The following ZNF287 variants were observed in gnomAD, a reference collection of about 807,000 sequenced individuals.
The protein encoded by ZNF287 is zinc finger protein with KRAB and SCAN domains 13.
In ZNF287, 31 loss-of-function variants were observed where a neutral mutation model predicts 73.7. That is an observed-to-expected ratio of 0.42 (90% CI 0.32 to 0.57). The LOEUF is 0.57. Ranked by LOEUF, ZNF287 falls within the 20% of genes least tolerant of loss-of-function variation. The probability of loss-of-function intolerance (pLI) is 0.13; values close to 1 mark genes in which losing one functional copy is unlikely to be tolerated. For missense variants in ZNF287, 641 were observed against 909.3 expected (o/e 0.70, Z 3.79); for synonymous variants, 301 against 307.2 (o/e 0.98, Z 0.21).
chr17:16,563,127 T>C lies in ZNF287; in HGVS notation c.715+19A>G, dbSNP rs376375903. 1 of 1,558,994 alleles carries C rather than the reference T, an allele frequency of 6.4e-7. No individual in the cohort carries two copies. The stretch of plus-strand genomic sequence containing the variant: ...AGATTCTTAAATACAAAGAAGCTCA[T>C]GCGCTTTTTGTTTCTCACCTGGACT... On this transcript the variant is annotated intron_variant, in intron 5 of 5. Coordinates refer to ENST00000395825, the MANE Select transcript of ZNF287 (RefSeq NM_020653.4).
intron 5 of ZNF287, among the ~76,000 whole-genome samples, chr17:16,561,989 G>A (rs1907476979): frequency 6.6e-6 from 1 of 152,170 alleles, no homozygotes; most frequent in Non-Finnish European, 1.5e-5. Context: ...GAGGTATTTA[G>A]GGGTTGTCTT....
rs1906678713 is a variant in ZNF287, at chr17:16,551,803, CA to C, written c.*52del. The C allele has an allele frequency of 6.5e-7, 1 of 1,530,516 alleles. No homozygotes were observed. Among genetic ancestry groups the C allele is most frequent in the Non-Finnish European group, 8.8e-7 (1 of 1,141,148 alleles). 94.8% of individuals were successfully genotyped at this position (1,530,516 alleles called of 1,614,324 possible). On this transcript the variant is annotated 3_prime_UTR_variant, in exon 6 of 6. Coordinates refer to ENST00000395825, the MANE Select transcript of ZNF287 (RefSeq NM_020653.4). ...TGAATGTTCTGACACATAGAATGCA[CA>C]AAACAAAATTGAAACAAAGTTGTAA...
rs1177188217 is a variant in ZNF287 at position 16,548,258 on chromosome 17, T to G, written c.*3598A>C. Among the ~76,000 whole-genome samples the G allele has an allele frequency of 6.6e-6, 1 of 152,200 alleles. No individual in the cohort carries two copies. The highest frequency in any genetic ancestry group is 1.5e-5 in the Non-Finnish European group (1 of 68,036). ...CTACCTTTATATTGGGAAGATCTGGTGACCTCAAATGAGTGATCCATTGAT... is the reference window on the plus strand; with the variant it reads ...CTACCTTTATATTGGGAAGATCTGGGGACCTCAAATGAGTGATCCATTGAT... On this transcript the variant is annotated 3_prime_UTR_variant, in exon 6 of 6. Transcript: ENST00000395825.
intron 3 of ZNF287, among the ~76,000 whole-genome samples, chr17:16,565,374 G>A (rs1907684486): frequency 6.6e-6 from 1 of 151,350 alleles, no homozygotes; most frequent in African/African-American, 2.4e-5. Context: ...TTTCGGGGGT[G>A]TGATACTGGA....
rs773531760 is a variant in ZNF287, at chr17:16,547,771, T to C, written c.*4085A>G. Among the ~76,000 whole-genome samples, 1 of 152,166 alleles carries C rather than the reference T, an allele frequency of 6.6e-6. No homozygotes were observed. Among genetic ancestry groups the C allele is most frequent in the Non-Finnish European group, 1.5e-5 (1 of 68,034 alleles). On this transcript the variant is annotated 3_prime_UTR_variant, in exon 6 of 6. Transcript: ENST00000395825. ...GAAAATGCAAGGCCAACTTGAGATA[T>C]CTTGTGTTAGAAGGCAATCAAGTGT...
At chr17:16,567,985 A>C in intron 1 of ZNF287, 56 bp from the exon 2 acceptor site, 1 of 1,302,894 alleles carries the variant, frequency 7.7e-7, no homozygotes, top group Non-Finnish European at 9.8e-7. Context: ...TCTACTATAC[A>C]TATACACACA....
At chr17:16,556,879 C>G (rs1293882578) in intron 5 of ZNF287, among the ~76,000 whole-genome samples, 1 of 151,008 alleles carries the variant, frequency 6.6e-6, no homozygotes, top group Non-Finnish European at 1.5e-5. Context: ...TGGAGTTTCG[C>G]TTTTGTTGCC....
rs1197545244 is a variant in ZNF287 at position 16,549,800 on chromosome 17, G to A, written c.*2056C>T. Among the ~76,000 whole-genome samples the A allele has an allele frequency of 1.3e-5, 2 of 152,120 alleles. No individual in the cohort carries two copies. The highest frequency in any genetic ancestry group is 4.8e-5 in the African/African-American group (2 of 41,428). On this transcript the variant is annotated 3_prime_UTR_variant, in exon 6 of 6. Coordinates refer to ENST00000395825, the MANE Select transcript of ZNF287 (RefSeq NM_020653.4). Reference sequence around the variant, plus strand: ...CTCATTTAGCTCAGGAAAACTTCCTGTACAAAGATGTCCCAGGAAACCTGA... The same window carrying A: ...CTCATTTAGCTCAGGAAAACTTCCTATACAAAGATGTCCCAGGAAACCTGA...
Position 16,550,495 on chromosome 17 carries a change from T to G in ZNF287, c.*1361A>C, listed in dbSNP as rs551443236. 1.3e-5 allele frequency among the ~76,000 whole-genome samples: 2 copies of G among 152,190 alleles called. No homozygotes were observed. The highest frequency in any genetic ancestry group is 2.9e-5 in the Non-Finnish European group (2 of 68,026). ...GCAGTGAATTCAGATCTATTTTCCA[T>G]TTTTTTCTCACATTATTTATATAGC... On this transcript the variant is annotated 3_prime_UTR_variant, in exon 6 of 6. Coordinates refer to ENST00000395825, the MANE Select transcript of ZNF287 (RefSeq NM_020653.4).
chr17:16,558,939 T>C (rs1257904823), intron 5 of ZNF287: 2 of 151,892 alleles, frequency 1.3e-5, no homozygotes, highest in Non-Finnish European at 2.9e-5. Flanking sequence ...ATCACACCAT[T>C]GCACTCCAGC....
In ZNF287 at chr17:16,552,298, G is replaced by C. The variant is rs1597462716; in HGVS notation, c.1844C>G (p.Thr615Ser). ...ANLTQHHRTH[T>S]GEKPYKCSVC... ...ACTGCATTTATATGGTTTCTCTCCAGTATGTGTTCTATGATGTTGAGTAAG... is the reference window on the plus strand; with the variant it reads ...ACTGCATTTATATGGTTTCTCTCCACTATGTGTTCTATGATGTTGAGTAAG... The change falls in exon 6 of 6, where the codon ACT becomes AGT. Residue 615 changes from threonine (T) to serine (S), a missense_variant. By Grantham distance (58) the Thr-to-Ser change is moderately conservative. Around this residue, in one of 2 missense-constraint regions of ZNF287, gnomAD observed 284 missense variants for 466.8 expected, o/e 0.61. Transcript: ENST00000395825. The surrounding 1 kb of genome is among the most constrained non-coding windows in gnomAD (Gnocchi z 6.5). The C allele has an allele frequency of 1.2e-6, 2 of 1,613,938 alleles. No homozygotes were observed. Among genetic ancestry groups the C allele is most frequent in the Non-Finnish European group, 8.5e-7 (1 of 1,179,984 alleles).
Position 16,566,622 on chromosome 17 carries a change from G to A in ZNF287, c.404C>T (p.Ala135Val), listed in dbSNP as rs764090468. The A allele has an allele frequency of 1.9e-6, 3 of 1,608,854 alleles. No individual in the cohort carries two copies. Among genetic ancestry groups the A allele is most frequent in the Non-Finnish European group, 2.5e-6 (3 of 1,177,314 alleles). Residue 135 changes from alanine (A) to valine (V), a missense_variant and splice_region_variant, in exon 3 of 6, where the codon GCT becomes GTT. Around this residue, in one of 2 missense-constraint regions of ZNF287, gnomAD observed 357 missense variants for 442.4 expected, o/e 0.81. Coordinates refer to ENST00000395825, the MANE Select transcript of ZNF287 (RefSeq NM_020653.4). ...EDLTQILEEE[A>V]PQNSTLSQDT... ...TTGGGAAAGGGTAGAGTTTTGAGGA[G>A]CTAGAGAAGAGAAAGAGGTCATGAG...
In ZNF287 at chr17:16,547,302, C is replaced by T. The variant is rs376491243; in HGVS notation, c.*4554G>A. ...TAGACATATAATAGTTAAAACACAA[C>T]GTATTAGGTATACATCTAGTTGCTT... is the stretch of plus-strand genomic sequence containing the variant. On this transcript the variant is annotated 3_prime_UTR_variant, in exon 6 of 6. Coordinates refer to ENST00000395825, the MANE Select transcript of ZNF287 (RefSeq NM_020653.4). Among the ~76,000 whole-genome samples the T allele has an allele frequency of 5.3e-5, 8 of 152,244 alleles. No homozygotes were observed. The East Asian group carries it at 1.4e-3, about 26-fold the overall frequency.
Position 16,566,526 on chromosome 17 carries a change from T to C in ZNF287, c.500A>G (p.Lys167Arg). ...ATCAGAAAAGACAGTCACACTCACT[T>C]TGGTCACCAAGTCATTTAGCCATCC... ...QTGWLNDLVTKESMTFKDVAV... is the reference protein window; with the variant it reads ...QTGWLNDLVTRESMTFKDVAV... The change falls in exon 3 of 6, where the codon AAA (lysine) becomes AGA (arginine). Residue 167 changes from lysine to arginine, a missense_variant and splice_region_variant. Lys to Arg is a conservative substitution (Grantham distance 26). Around this residue, in one of 2 missense-constraint regions of ZNF287, gnomAD observed 357 missense variants for 442.4 expected, o/e 0.81. Coordinates refer to ENST00000395825, the MANE Select transcript of ZNF287 (RefSeq NM_020653.4). 1 of 1,611,540 alleles carries C rather than the reference T, an allele frequency of 6.2e-7. No homozygotes were observed. The highest frequency in any genetic ancestry group is 1.3e-5 in the African/African-American group (1 of 74,912).
intron 3 of ZNF287, among the ~76,000 whole-genome samples, chr17:16,565,175 T>G (rs973297498): frequency 1.3e-5 from 2 of 151,662 alleles, no homozygotes; most frequent in Non-Finnish European, 2.9e-5. Flanking sequence ...GGGCACATAG[T>G]GAGATCCCAT....
chr17:16,561,012 AG>A (rs1907420479), intron 5 of ZNF287, among the ~76,000 whole-genome samples: 1 of 145,744 alleles, frequency 6.9e-6, no homozygotes, highest in Non-Finnish European at 1.5e-5. Context: ...CAAAAAAAAA[AG>A]AAAGAAAATC....
chr17:16,567,307 C>G (rs554322718), intron 2 of ZNF287, 22 bp downstream of exon 2: 73 of 1,595,286 alleles, frequency 4.6e-5, no homozygotes, highest in Middle Eastern at 1.7e-4. Flanking sequence ...GATTCCTCCC[C>G]TCTCTGCTCT....
Position 16,563,315 on chromosome 17 carries a change from G to A in ZNF287, c.629-83C>T, listed in dbSNP as rs1259624466. ...TATTACCAGACTTCTACCTATCTGG[G>A]AGAACAGACCTCTGTAGGAAAACAA... On this transcript the variant is annotated intron_variant, in intron 4 of 5. Coordinates refer to ENST00000395825, the MANE Select transcript of ZNF287 (RefSeq NM_020653.4). The A allele has an allele frequency of 4.2e-6, 4 of 951,550 alleles. No homozygotes were observed. The African/African-American group carries it at 6.6e-5, about 16-fold the overall frequency. 58.9% of individuals were successfully genotyped at this position (951,550 alleles called of 1,614,324 possible). A position where few individuals can be genotyped will look rare whatever the true frequency, so the allele number is the denominator to read the frequency against.
Position 16,553,372 on chromosome 17 carries a change from G to T in ZNF287, c.770C>A (p.Thr257Lys), listed in dbSNP as rs753089622. ...CTPVEDMSKL[T>K]KEETHTIKLE... Reference sequence around the variant, plus strand: ...TTTGATGGTATGGGTTTCTTCCTTTGTGAGTTTAGACATATCCTCCACTGG... The same window carrying T: ...TTTGATGGTATGGGTTTCTTCCTTTTTGAGTTTAGACATATCCTCCACTGG... Residue 257 changes from threonine to lysine, a missense_variant, in exon 6 of 6, where the codon ACA becomes AAA. By Grantham distance (78) the Thr-to-Lys change is moderately conservative. Transcript: ENST00000395825. 1 of 1,609,478 alleles carries T rather than the reference G, an allele frequency of 6.2e-7. No homozygotes were observed. Among genetic ancestry groups the T allele is most frequent in the South Asian group, 1.1e-5 (1 of 89,688 alleles).
Sources: gnomAD v4.1 joint callset for allele counts (sites outside exome capture counted in the v4.1 genomes callset) on GRCh38, gnomAD v4.1.1 for gene constraint, gnomAD v4.1.1 regional missense constraint, Gnocchi (gnomAD v3.1) non-coding constraint, MANE v1.5 for transcripts, NCBI Gene and HGNC (gene_info 2026-07-23, HGNC 2026-07-21) for gene names.